MTCL2: variants seen among roughly 807,000 people sequenced by gnomAD.
MTCL2 encodes microtubule cross-linking factor 2.
chr20:36,859,903 CT>C, the MTCL2 span: 1 of 1,231,154 alleles, frequency 8.1e-7, no homozygotes, highest in South Asian at 4.2e-5. Flanking sequence ...ACTCCAAGCC[CT>C]GGCAGCCTAG....
the MTCL2 span, among the ~76,000 whole-genome samples, chr20:36,840,866 G>A: frequency 6.6e-6 from 1 of 151,754 alleles, no homozygotes; most frequent in African/African-American, 2.4e-5. Context: ...AAACATGGAT[G>A]AGCATCAACT....
the MTCL2 span, among the ~76,000 whole-genome samples, chr20:36,790,421 C>A: frequency 1.7e-4 from 25 of 147,862 alleles, no homozygotes; most frequent in Non-Finnish European, 3.1e-4. Context: ...AGCCACCACG[C>A]CTGGCCCTTT....
the MTCL2 span, chr20:36,777,764 G>A: frequency 6.7e-6 from 4 of 597,384 alleles, no homozygotes; most frequent in East Asian, 1.4e-4. Context: ...AGGCTGAGTG[G>A]GAAGGGGGTT....
At chr20:36,853,798 C>T in the MTCL2 span, among the ~76,000 whole-genome samples, 2 of 151,854 alleles carry the variant, frequency 1.3e-5, no homozygotes, top group Admixed American at 1.3e-4. Flanking sequence ...TGGCTTGTCA[C>T]TGTTGTCACT....
the MTCL2 span, among the ~76,000 whole-genome samples, chr20:36,851,977 C>T: frequency 6.6e-6 from 1 of 152,158 alleles, no homozygotes; most frequent in African/African-American, 2.4e-5. Context: ...GCTTCAGACC[C>T]CAGTGGTGGG....
chr20:36,813,780 A>G, the MTCL2 span, among the ~76,000 whole-genome samples: 4 of 144,630 alleles, frequency 2.8e-5, no homozygotes, highest in Admixed American at 2.1e-4. Context: ...AAAAAAAGAT[A>G]AAAGAAAAAA....
chr20:36,862,429 C>G, the MTCL2 span, among the ~76,000 whole-genome samples: 1 of 152,236 alleles, frequency 6.6e-6, no homozygotes, highest in Non-Finnish European at 1.5e-5. Context: ...AGGTTAGGGC[C>G]CTGTAGCCAG....
At chr20:36,847,951 G>C in the MTCL2 span, among the ~76,000 whole-genome samples, 1 of 151,454 alleles carries the variant, frequency 6.6e-6, no homozygotes, top group Non-Finnish European at 1.5e-5. Context: ...TTCAAGACCA[G>C]CCTTGGCAAC....
At chr20:36,838,766 G>A in the MTCL2 span, among the ~76,000 whole-genome samples, 1 of 151,948 alleles carries the variant, frequency 6.6e-6, no homozygotes, top group Non-Finnish European at 1.5e-5. Flanking sequence ...TCAGGAGTTC[G>A]AAACCAGGCT....
chr20:36,817,573 GC>G, the MTCL2 span: 4 of 1,155,234 alleles, frequency 3.5e-6, no homozygotes, highest in Non-Finnish European at 4.8e-6. Flanking sequence ...TCCAGGGAGG[GC>G]CCCAGTCCCC....
At chr20:36,853,702 GGTGTGTGTGTGT>G in the MTCL2 span, among the ~76,000 whole-genome samples, 16 of 143,832 alleles carry the variant, frequency 1.1e-4, no homozygotes, top group African/African-American at 1.3e-4. Flanking sequence ...ATCAGGGAGG[GGTGTGTGTGTGT>G]GTGTGTGTGT....
chr20:36,777,969 G>A, the MTCL2 span: 13 of 556,436 alleles, frequency 2.3e-5, no homozygotes, highest in African/African-American at 6.1e-5. Context: ...TTGAAGAGGC[G>A]CTATCTGGCC....
chr20:36,817,757 G>A, the MTCL2 span, among the ~76,000 whole-genome samples: 1 of 152,196 alleles, frequency 6.6e-6, no homozygotes, highest in Non-Finnish European at 1.5e-5. Context: ...TGGCCTCGGC[G>A]AAGACTTGGA....
the MTCL2 span, among the ~76,000 whole-genome samples, chr20:36,840,993 A>G: frequency 6.6e-6 from 1 of 151,886 alleles, no homozygotes; most frequent in Non-Finnish European, 1.5e-5. Flanking sequence ...GAAGATACAC[A>G]GTAAACCAGA....
chr20:36,811,744 G>A, the MTCL2 span, among the ~76,000 whole-genome samples: 4 of 152,096 alleles, frequency 2.6e-5, no homozygotes, highest in Non-Finnish European at 5.9e-5. Flanking sequence ...CACTTAGAGA[G>A]TCTGATCCAT....
chr20:36,850,718 A>AT, the MTCL2 span, among the ~76,000 whole-genome samples: 14 of 152,116 alleles, frequency 9.2e-5, no homozygotes, highest in South Asian at 2.1e-4. Context: ...ACAGTGAGTG[A>AT]TTTTTTCTAA....
the MTCL2 span, among the ~76,000 whole-genome samples, chr20:36,808,919 G>A: frequency 6.6e-6 from 1 of 152,196 alleles, no homozygotes; most frequent in Non-Finnish European, 1.5e-5. Context: ...CTCTGCTCCT[G>A]CAAAAACAGT....
chr20:36,859,437 G>C, the MTCL2 span: 2 of 528,354 alleles, frequency 3.8e-6, no homozygotes, highest in South Asian at 1.0e-4. Context: ...AGGTCAGGCA[G>C]CTCAACTGCA....
chr20:36,798,645 C>T, the MTCL2 span, among the ~76,000 whole-genome samples: 2 of 152,212 alleles, frequency 1.3e-5, no homozygotes, highest in African/African-American at 4.8e-5. Flanking sequence ...GACCCCTTGC[C>T]TTAAGGTGGA....
Sources: gnomAD v4.1 joint callset for allele counts (sites outside exome capture counted in the v4.1 genomes callset) on GRCh38, gnomAD v4.1.1 for gene constraint, MANE v1.5 for transcripts, NCBI Gene and HGNC (gene_info 2026-07-23, HGNC 2026-07-21) for gene names.